Variants in PCDHGC3 observed in about 807,000 individuals in gnomAD.
PCDHGC3 encodes protocadherin gamma subfamily C, 3.
PCDHGC3 carries 26 observed loss-of-function variants against 59.2 expected under a neutral mutation model. That is an observed-to-expected ratio of 0.44 (90% confidence interval 0.32 to 0.61). The LOEUF is 0.61. Among genes scored for constraint, PCDHGC3 ranks in the 20% least tolerant of loss-of-function variants. The pLI is 0.05. For missense variants in PCDHGC3, 1,080 were observed against 1,221.8 expected (o/e 0.88, Z 1.73); for synonymous variants, 487 against 519.7 (o/e 0.94, Z 0.86).
In PCDHGC3 at chr5:141,490,442, A is replaced by T. The variant is rs757900187; in HGVS notation, c.2431-4365A>T. On this transcript the variant is annotated intron_variant, in intron 1 of 3. Transcript: ENST00000308177. The surrounding 1 kb of genome is among the most constrained non-coding windows in gnomAD (Gnocchi z 5.4). ...CTGCCATTTCAGATTAAGCCTTCTG[A>T]GAACCACTACTCGCTGCTAACCAGC... 16 of 1,614,092 alleles carry T rather than the reference A, an allele frequency of 9.9e-6. No individual in the cohort carries two copies. Among genetic ancestry groups the T allele is most frequent in the Non-Finnish European group, 1.2e-5 (14 of 1,180,044 alleles).
At chr5:141,509,872 G>A (rs968745661) in intron 3 of PCDHGC3, among the ~76,000 whole-genome samples, 1 of 152,166 alleles carries the variant, frequency 6.6e-6, no homozygotes, top group Non-Finnish European at 1.5e-5. Context: ...CCAAGCTGCT[G>A]GTGGTGATGG....
chr5:141,496,478 G>A lies in PCDHGC3; in HGVS notation c.2489+1613G>A, dbSNP rs150992994. 7.2e-3 allele frequency among the ~76,000 whole-genome samples: 1,093 copies of A among 152,228 alleles called. 19 individuals are homozygous for A. The highest frequency in any genetic ancestry group is 0.025 in the African/African-American group (1,039 of 41,518). ...CCAAGAGTTATCTTTCCCCCATCCT[G>A]CAACCAACCAAACCCTTGTTGCCAC... is the stretch of plus-strand genomic sequence containing the variant. On this transcript the variant is annotated intron_variant, in intron 2 of 3. Transcript: ENST00000308177.
At position 141,493,396 on chromosome 5, in the gene PCDHGC3, G is replaced by A. The variant is rs562217310; in HGVS notation, c.2431-1411G>A. 1.3e-5 allele frequency among the ~76,000 whole-genome samples: 2 copies of A among 152,274 alleles called. No homozygotes were observed. Among genetic ancestry groups the A allele is most frequent in the East Asian group, 3.9e-4 (2 of 5,178 alleles). The stretch of plus-strand genomic sequence containing the variant: ...TTTAAAAGCTTGAGGACAGGAGAGG[G>A]GAGTTGCCTCTGCTGGGATTTTGCT... On this transcript the variant is annotated intron_variant, in intron 1 of 3. Transcript: ENST00000308177. This position sits in a 1 kb window ranked among gnomAD's most constrained non-coding sequence, Gnocchi z 4.3.
rs115607451 is a variant in PCDHGC3, at chr5:141,508,636, A to C, written c.2579-2311A>C. Among the ~76,000 whole-genome samples, 998 of 151,746 alleles carry C rather than the reference A, an allele frequency of 6.6e-3. 12 individuals are homozygous for C. The highest frequency in any genetic ancestry group is 0.023 in the African/African-American group (958 of 41,372). ...ACGTGGGTGGGCCGAGCTTCTAGCT[A>C]CTCCGTCAGGCCCTTCCTGTCATTC... On this transcript the variant is annotated intron_variant, in intron 3 of 3. Transcript: ENST00000308177.
intron 2 of PCDHGC3, among the ~76,000 whole-genome samples, chr5:141,499,301 TC>T (rs771049830): frequency 6.6e-6 from 1 of 152,166 alleles, no homozygotes; most frequent in Non-Finnish European, 1.5e-5. Context: ...CTACCATCCC[TC>T]CTCTGAGAGA....
chr5:141,490,336 G>T lies in PCDHGC3; in HGVS notation c.2431-4471G>T. 2 of 1,614,224 alleles carry T rather than the reference G, an allele frequency of 1.2e-6. No individual in the cohort carries two copies. The highest frequency in any genetic ancestry group is 8.5e-7 in the Non-Finnish European group (1 of 1,180,040). ...CCCTGTCCTAGAGAGCACACCAGTGGGCACAGTAGTGGGGTTGTTTAATGT... is the reference window on the plus strand; with the variant it reads ...CCCTGTCCTAGAGAGCACACCAGTGTGCACAGTAGTGGGGTTGTTTAATGT... On this transcript the variant is annotated intron_variant, in intron 1 of 3. Transcript: ENST00000308177. This position sits in a 1 kb window ranked among gnomAD's most constrained non-coding sequence, Gnocchi z 5.4.
intron 2 of PCDHGC3, among the ~76,000 whole-genome samples, chr5:141,502,382 T>C (rs1668612742): frequency 1.3e-5 from 2 of 152,088 alleles, no homozygotes; most frequent in Non-Finnish European, 2.9e-5. Context: ...CCAGGCCAGT[T>C]GTACTTTAAA....
chr5:141,478,509 G>A lies in PCDHGC3; in HGVS notation c.2393G>A (p.Arg798Lys). The A allele has an allele frequency of 1.2e-6, 2 of 1,611,878 alleles. No individual in the cohort carries two copies. Among genetic ancestry groups the A allele is most frequent in the South Asian group, 1.1e-5 (1 of 90,914 alleles). ...TLRSCDPVFY[R>K]QVLGAESAPP... Reference sequence around the variant, plus strand: ...CGGAGCTGTGATCCGGTGTTCTATAGGCAGGTGTTGGGTGCAGAGAGCGCC... The same window carrying A: ...CGGAGCTGTGATCCGGTGTTCTATAAGCAGGTGTTGGGTGCAGAGAGCGCC... The change falls in exon 1 of 4, where the codon AGG becomes AAG. Residue 798 changes from arginine to lysine, a missense_variant. Coordinates refer to ENST00000308177, the MANE Select transcript of PCDHGC3 (RefSeq NM_002588.4).
intron 2 of PCDHGC3, among the ~76,000 whole-genome samples, chr5:141,503,855 TA>T (rs2099832899): frequency 1.3e-5 from 2 of 152,136 alleles, no homozygotes; most frequent in Non-Finnish European, 2.9e-5. Context: ...GGAAAAATTG[TA>T]AAGCAGTTCT....
At chr5:141,501,423 A>C (rs1195105794) in intron 2 of PCDHGC3, among the ~76,000 whole-genome samples, 1 of 151,966 alleles carries the variant, frequency 6.6e-6, no homozygotes, top group Non-Finnish European at 1.5e-5. Flanking sequence ...AGTTGACTAA[A>C]TGTAGTCCAT....
In PCDHGC3 at chr5:141,478,498, G is replaced by T; in HGVS notation, c.2382G>T (p.Pro794=). Reference sequence around the variant, plus strand: ...AGAACACGCTGCGGAGCTGTGATCCGGTGTTCTATAGGCAGGTGTTGGGTG... The same window carrying T: ...AGAACACGCTGCGGAGCTGTGATCCTGTGTTCTATAGGCAGGTGTTGGGTG... ...SRQNTLRSCD[P]VFYRQVLGAE... The change falls in exon 1 of 4, where the codon CCG becomes CCT. Residue 794 remains proline (P), a synonymous_variant. Coordinates refer to ENST00000308177, the MANE Select transcript of PCDHGC3 (RefSeq NM_002588.4). 1 of 1,612,710 alleles carries T rather than the reference G, an allele frequency of 6.2e-7. No homozygotes were observed. Among genetic ancestry groups the T allele is most frequent in the South Asian group, 1.1e-5 (1 of 90,986 alleles).
At position 141,485,698 on chromosome 5, in the gene PCDHGC3, T is replaced by C. The variant is rs1175015922; in HGVS notation, c.2430+7152T>C. ...TTAGCAGCTATAGGCTGAGCTCCAA[T>C]GAACACTTTGCACTGGATGTGAAGA... On this transcript the variant is annotated intron_variant, in intron 1 of 3. Transcript: ENST00000308177. This position sits in a 1 kb window ranked among gnomAD's most constrained non-coding sequence, Gnocchi z 5.7. 6.2e-7 allele frequency: 1 copy of C among 1,613,994 alleles called. No homozygotes were observed. The highest frequency in any genetic ancestry group is 8.5e-7 in the Non-Finnish European group (1 of 1,180,002).
Position 141,487,945 on chromosome 5 carries a change from G to A in PCDHGC3, c.2431-6862G>A, listed in dbSNP as rs2099669554. ...CAGTGCACAGGGTACAGTGCACCAG[G>A]CAGTCACTTGGACAAAGGTGGCTGT... On this transcript the variant is annotated intron_variant, in intron 1 of 3. Transcript: ENST00000308177. This position sits in a 1 kb window ranked among gnomAD's most constrained non-coding sequence, Gnocchi z 5.0. Among the ~76,000 whole-genome samples the A allele has an allele frequency of 6.6e-6, 1 of 152,198 alleles. No individual in the cohort carries two copies. Among genetic ancestry groups the A allele is most frequent in the Non-Finnish European group, 1.5e-5 (1 of 68,036 alleles).
chr5:141,501,442 T>C (rs1202229661), intron 2 of PCDHGC3, among the ~76,000 whole-genome samples: 1 of 152,016 alleles, frequency 6.6e-6, no homozygotes, highest in African/African-American at 2.4e-5. Context: ...ATTTCTTCCA[T>C]TTTTACTTTT....
At chr5:141,482,570 C>A (rs2099568543) in intron 1 of PCDHGC3, among the ~76,000 whole-genome samples, 1 of 144,954 alleles carries the variant, frequency 6.9e-6, no homozygotes, top group African/African-American at 2.6e-5. Context: ...ATCTGCATAG[C>A]ATAAGATGCA....
intron 2 of PCDHGC3, among the ~76,000 whole-genome samples, chr5:141,500,508 C>T (rs2099801020): frequency 6.6e-6 from 1 of 152,078 alleles, no homozygotes; most frequent in African/African-American, 2.4e-5. Context: ...CGCGCCTGGC[C>T]GAGCTTCATT....
intron 1 of PCDHGC3, among the ~76,000 whole-genome samples, chr5:141,488,713 C>A (rs1165389103): frequency 6.6e-6 from 1 of 152,184 alleles, no homozygotes; most frequent in Non-Finnish European, 1.5e-5. Context: ...CTGGTTCAAG[C>A]AAAGTGGTGG....
intron 1 of PCDHGC3, among the ~76,000 whole-genome samples, chr5:141,488,139 T>A (rs906194527): frequency 6.6e-6 from 1 of 152,084 alleles, no homozygotes; most frequent in Non-Finnish European, 1.5e-5. Context: ...AGGAGAGAAC[T>A]AAAGGAATAG....
intron 2 of PCDHGC3, among the ~76,000 whole-genome samples, chr5:141,499,384 A>G (rs2099791576): frequency 6.6e-6 from 1 of 152,200 alleles, no homozygotes. Context: ...TTTTCCACTT[A>G]TAAAATAGTA....
Sources: allele counts gnomAD v4.1 joint callset (sites outside exome capture counted in the v4.1 genomes callset), GRCh38; gene constraint gnomAD v4.1.1; non-coding constraint Gnocchi (gnomAD v3.1); transcripts MANE v1.5; gene names NCBI Gene and HGNC (gene_info 2026-07-23, HGNC 2026-07-21).